Variants in CSMD1 observed in about 807,000 individuals in gnomAD.
The protein encoded by CSMD1 is CUB and sushi domain-containing protein 1.
A neutral mutation model predicts 417.5 loss-of-function variants in CSMD1; 213 were observed. The observed-to-expected ratio is 0.51, with a 90% CI of 0.46 to 0.57. The LOEUF (loss-of-function observed/expected upper bound fraction) is 0.57. Among genes scored for constraint, CSMD1 ranks in the 20% least tolerant of loss-of-function variants. CSMD1 has a pLI of 0.00. For synonymous variants in CSMD1, 2,862 were observed against 1,736.8 expected, an observed-to-expected ratio of 1.65 and a Z score of -16.11; for missense variants, 6,923 against 4,529.7, an observed-to-expected ratio of 1.53 and a Z score of -15.17.
At chr8:4,802,713 T>C (rs920589965) in intron 1 of CSMD1, among the ~76,000 whole-genome samples, 1 of 152,204 alleles carries the variant, frequency 6.6e-6, no homozygotes, top group African/African-American at 2.4e-5. Context: ...TGTTTTGATA[T>C]TATCTTCCAA....
chr8:4,007,067 TCACTTCGTGATCCAGC>T (rs1169388004), intron 4 of CSMD1, among the ~76,000 whole-genome samples: 6 of 152,044 alleles, frequency 3.9e-5, no homozygotes, highest in Admixed American at 2.0e-4. Context: ...CTCGATCTCC[TCACTTCGTGATCCAGC>T]CACCTCGGCC....
At chr8:3,055,971 T>C (rs765970861) in intron 49 of CSMD1, among the ~76,000 whole-genome samples, 2 of 152,172 alleles carry the variant, frequency 1.3e-5, no homozygotes, top group Admixed American at 6.5e-5. Context: ...GAGCCCTCTG[T>C]CCACACGACA....
chr8:3,434,338 T>C (rs537236693), intron 12 of CSMD1, among the ~76,000 whole-genome samples: 1 of 152,330 alleles, frequency 6.6e-6, no homozygotes, highest in Non-Finnish European at 1.5e-5. Flanking sequence ...CTATATGTAA[T>C]ACCAAAATTA....
At chr8:4,090,857 A>G (rs1018101393) in intron 3 of CSMD1, among the ~76,000 whole-genome samples, 3 of 152,198 alleles carry the variant, frequency 2.0e-5, no homozygotes, top group African/African-American at 7.2e-5. Flanking sequence ...AAGGGATGCC[A>G]TAACTATTTT....
intron 6 of CSMD1, among the ~76,000 whole-genome samples, chr8:3,720,021 G>A (rs1802061758): frequency 6.6e-6 from 1 of 152,182 alleles, no homozygotes; most frequent in African/African-American, 2.4e-5. Flanking sequence ...AGCACCTAGT[G>A]CAATGTCTAG....
At chr8:4,388,962 C>T (rs1803656586) in intron 3 of CSMD1, among the ~76,000 whole-genome samples, 1 of 152,168 alleles carries the variant, frequency 6.6e-6, no homozygotes, top group South Asian at 2.1e-4. Flanking sequence ...ACGTCTCTTA[C>T]CTCACACACT....
chr8:3,683,325 A>G (rs1799764612), intron 7 of CSMD1, among the ~76,000 whole-genome samples: 1 of 152,094 alleles, frequency 6.6e-6, no homozygotes, highest in Non-Finnish European at 1.5e-5. Flanking sequence ...AAGTTCTTTC[A>G]TTGTGTTCTC....
chr8:3,767,400 C>T (rs1354604889), intron 5 of CSMD1, among the ~76,000 whole-genome samples: 1 of 152,194 alleles, frequency 6.6e-6, no homozygotes, highest in Non-Finnish European at 1.5e-5. Context: ...ACTCAGCCCT[C>T]CTAAACCTCA....
At chr8:4,452,334 G>T (rs569889815) in intron 2 of CSMD1, among the ~76,000 whole-genome samples, 2 of 152,102 alleles carry the variant, frequency 1.3e-5, no homozygotes, top group African/African-American at 2.4e-5. Context: ...GAAAGCAATG[G>T]CTCTAAACAA....
At chr8:3,106,039 T>A (rs956376563) in intron 46 of CSMD1, among the ~76,000 whole-genome samples, 1 of 152,128 alleles carries the variant, frequency 6.6e-6, no homozygotes, top group Admixed American at 6.6e-5. Context: ...AGAAAAAGCA[T>A]CATTAGATAT....
chr8:4,905,466 C>A (rs555194740), intron 1 of CSMD1, among the ~76,000 whole-genome samples: 1 of 152,078 alleles, frequency 6.6e-6, no homozygotes, highest in Non-Finnish European at 1.5e-5. Context: ...CTGCTTTAGG[C>A]ATTCTAAAAC....
At chr8:3,090,052 C>T (rs571004573) in intron 48 of CSMD1, among the ~76,000 whole-genome samples, 12 of 151,814 alleles carry the variant, frequency 7.9e-5, no homozygotes, top group African/African-American at 1.7e-4. Flanking sequence ...GGTGGCTTAA[C>T]GCCTGTAATC....
At chr8:4,684,297 G>C (rs575567226) in intron 1 of CSMD1, among the ~76,000 whole-genome samples, 19 of 152,308 alleles carry the variant, frequency 1.2e-4, no homozygotes, top group African/African-American at 4.3e-4. Flanking sequence ...TAGGAGCGCA[G>C]ACTTGGTAAA....
At chr8:3,195,585 C>T (rs1449312785) in intron 33 of CSMD1, among the ~76,000 whole-genome samples, 1 of 152,098 alleles carries the variant, frequency 6.6e-6, no homozygotes, top group Non-Finnish European at 1.5e-5. Flanking sequence ...TGTGAAATGA[C>T]AAAGATCCCT....
chr8:3,307,318 C>A (rs775566604), intron 25 of CSMD1, among the ~76,000 whole-genome samples: 1 of 152,008 alleles, frequency 6.6e-6, no homozygotes, highest in African/African-American at 2.4e-5. Flanking sequence ...ACCATCCCAG[C>A]TGAGGCCCTC....
chr8:4,001,539 T>C (rs781599063), intron 4 of CSMD1, among the ~76,000 whole-genome samples: 16 of 152,206 alleles, frequency 1.1e-4, no homozygotes, highest in Non-Finnish European at 1.6e-4. Context: ...CAAATGAGCA[T>C]ACCTCACTGC....
At chr8:4,061,786 C>T (rs1301912991) in intron 3 of CSMD1, among the ~76,000 whole-genome samples, 1 of 152,116 alleles carries the variant, frequency 6.6e-6, no homozygotes, top group Non-Finnish European at 1.5e-5. Context: ...AGGAGTTCTC[C>T]ATTTGCAGTT....
At chr8:3,036,883 C>T (rs6994181) in intron 50 of CSMD1, among the ~76,000 whole-genome samples, 47,970 of 151,926 alleles carry the variant, frequency 0.32, 8,422 homozygotes, top group African/African-American at 0.45. Context: ...GATAAGTTAT[C>T]TAGGGGTGAT....
At position 3,399,544 on chromosome 8, in the gene CSMD1, A is replaced by T. The variant is rs770382983; in HGVS notation, c.2267-15T>A. On this transcript the variant is annotated splice_polypyrimidine_tract_variant and intron_variant, in intron 15 of 69. Transcript: ENST00000635120. The stretch of plus-strand genomic sequence containing the variant: ...ACCACATGGAGCTAAAACAAGACGT[A>T]GAATATCTATTAGATCCAATGAGAC... 9 of 1,569,568 alleles carry T rather than the reference A, an allele frequency of 5.7e-6. No individual in the cohort carries two copies. In the South Asian group the frequency reaches 1.1e-4, roughly 19 times the overall value.
Sources: gnomAD v4.1 joint callset for allele counts (sites outside exome capture counted in the v4.1 genomes callset) on GRCh38, gnomAD v4.1.1 for gene constraint, MANE v1.5 for transcripts, NCBI Gene and HGNC (gene_info 2026-07-23, HGNC 2026-07-21) for gene names.